Variants in LONP2 observed in about 807,000 individuals in gnomAD.
LONP2 encodes lon peptidase 2, peroxisomal.
Under a neutral mutation model 85.6 loss-of-function variants are expected in LONP2, and 60 were observed. The ratio of observed to expected loss-of-function variants is 0.70; its 90% confidence interval spans 0.57 to 0.87. LONP2 has a LOEUF of 0.87. Among genes scored for constraint, LONP2 ranks in the 40% least tolerant of loss-of-function variants. LONP2 has a pLI of 0.00. For missense variants in LONP2, 860 were observed against 1,063.5 expected (o/e 0.81, Z 2.66); for synonymous variants, 395 against 389.7 (o/e 1.01, Z -0.16).
chr16:48,327,974 A>G (rs1959299003), intron 11 of LONP2, among the ~76,000 whole-genome samples: 1 of 152,218 alleles, frequency 6.6e-6, no homozygotes, highest in African/African-American at 2.4e-5. Context: ...GATGCTGGGT[A>G]GAATGAGATT....
At chr16:48,321,870 T>C (rs1331971250) in intron 11 of LONP2, among the ~76,000 whole-genome samples, 1 of 152,162 alleles carries the variant, frequency 6.6e-6, no homozygotes, top group African/African-American at 2.4e-5. Context: ...TGTGAAAGCC[T>C]AGGACATTAC....
chr16:48,256,566 A>T (rs576255071), intron 2 of LONP2, 44 bp from the exon 3 acceptor site: 2 of 1,596,330 alleles, frequency 1.3e-6, no homozygotes, highest in South Asian at 1.1e-5. Flanking sequence ...AAATTCACAA[A>T]TAATGCCAGA....
intron 14 of LONP2, among the ~76,000 whole-genome samples, chr16:48,350,245 G>A (rs192362877): frequency 8.7e-4 from 132 of 152,208 alleles, no homozygotes; most frequent in African/African-American, 3.1e-3. Flanking sequence ...AAAATTATCC[G>A]GATGTGGTGG....
At chr16:48,292,752 CTT>C (rs986097118) in intron 8 of LONP2, among the ~76,000 whole-genome samples, 2 of 152,218 alleles carry the variant, frequency 1.3e-5, no homozygotes, top group African/African-American at 2.4e-5. Context: ...TCTGTACACT[CTT>C]TGTTTTCTGC....
intron 11 of LONP2, among the ~76,000 whole-genome samples, chr16:48,304,324 TTTAAA>T (rs1972867506): frequency 6.6e-6 from 1 of 152,356 alleles, no homozygotes; most frequent in East Asian, 1.9e-4. Context: ...CTAAATGTAA[TTTAAA>T]TTATTCTTTA....
At chr16:48,262,953 C>A in intron 6 of LONP2, 81 bp downstream of exon 6, 11 of 861,270 alleles carry the variant, frequency 1.3e-5, no homozygotes, top group South Asian at 1.6e-5. Flanking sequence ...AAATTTACTC[C>A]ACTGATTGTC....
chr16:48,280,587 A>C (rs187003468), intron 8 of LONP2, among the ~76,000 whole-genome samples: 2 of 152,350 alleles, frequency 1.3e-5, no homozygotes, highest in Admixed American at 1.3e-4. Flanking sequence ...TTCAAAAAAA[A>C]GGTATGAAAA....
At chr16:48,296,234 A>G (rs747677114) in intron 9 of LONP2, 69 bp downstream of exon 9, 12 of 1,515,490 alleles carry the variant, frequency 7.9e-6, no homozygotes, top group Non-Finnish European at 1.1e-5. Context: ...TAGTTATGCT[A>G]TGGAGTTTTG....
At chr16:48,261,707 G>C in intron 5 of LONP2, 120 bp downstream of exon 5, 1 of 704,262 alleles carries the variant, frequency 1.4e-6, no homozygotes. Flanking sequence ...TCCACCTGCA[G>C]TGTGCTGTCA....
chr16:48,262,458 C>G (rs901585704), intron 5 of LONP2, among the ~76,000 whole-genome samples: 1 of 152,076 alleles, frequency 6.6e-6, no homozygotes, highest in East Asian at 1.9e-4. Context: ...AGGTATCTGC[C>G]TTATTTTGTT....
intron 12 of LONP2, among the ~76,000 whole-genome samples, chr16:48,342,673 T>G (rs1056715857): frequency 6.6e-6 from 1 of 152,238 alleles, no homozygotes; most frequent in Non-Finnish European, 1.5e-5. Context: ...GAATCTGCTT[T>G]TCCCATTTCT....
chr16:48,288,400 G>A (rs1010683668), intron 8 of LONP2, among the ~76,000 whole-genome samples: 19 of 151,934 alleles, frequency 1.3e-4, no homozygotes, highest in African/African-American at 3.6e-4. Flanking sequence ...TGATCCATCC[G>A]CCTCGGCCTC....
At position 48,296,100 on chromosome 16, in the gene LONP2, C is replaced by A; in HGVS notation, c.1469C>A (p.Thr490Asn). The change falls in exon 9 of 15, where the codon ACT becomes AAT. Residue 490 changes from threonine (T) to asparagine (N), a missense_variant. By Grantham distance (65) the Thr-to-Asn change is moderately conservative (BLOSUM62 0). Coordinates refer to ENST00000285737, the MANE Select transcript of LONP2 (RefSeq NM_031490.5). ...CTTTCTCAAGTTCTTTTTATAGCTA[C>A]TGCCAACACCACTGCTACCATTCCA... ...FDLSQVLFIATANTTATIPAA... is the reference protein window; with the variant it reads ...FDLSQVLFIANANTTATIPAA... 1 of 1,614,156 alleles carries A rather than the reference C, an allele frequency of 6.2e-7. No homozygotes were observed. Among genetic ancestry groups the A allele is most frequent in the African/African-American group, 1.3e-5 (1 of 75,048 alleles).
intron 1 of LONP2, among the ~76,000 whole-genome samples, chr16:48,245,005 A>G (rs1971277648): frequency 1.3e-5 from 2 of 151,134 alleles, no homozygotes; most frequent in African/African-American, 4.9e-5. Flanking sequence ...TTCGCTTTTC[A>G]CCTTTCTCCC....
Position 48,256,603 on chromosome 16 carries a change from C to T in LONP2, c.469-7C>T. On this transcript the variant is annotated splice_polypyrimidine_tract_variant and splice_region_variant and intron_variant, in intron 2 of 14. Transcript: ENST00000285737. The stretch of plus-strand genomic sequence containing the variant: ...TTCATTTAAAAGACTTTTTTTCCCC[C>T]TTCTAGTTGGTTGAAATGTTGGATA... 1.2e-6 allele frequency: 2 copies of T among 1,608,984 alleles called. No homozygotes were observed. Among genetic ancestry groups the T allele is most frequent in the Non-Finnish European group, 1.7e-6 (2 of 1,178,616 alleles).
intron 7 of LONP2, among the ~76,000 whole-genome samples, chr16:48,274,176 A>G (rs11076561): frequency 0.18 from 26,671 of 152,068 alleles, 2,627 homozygotes; most frequent in Middle Eastern, 0.28. Context: ...TCCTCCATTA[A>G]TGTAAGTGCA....
chr16:48,269,640 A>G (rs929970799), intron 6 of LONP2, among the ~76,000 whole-genome samples: 1 of 152,208 alleles, frequency 6.6e-6, no homozygotes, highest in African/African-American at 2.4e-5. Context: ...TAGTGTTATC[A>G]GGTTTTCTGG....
At chr16:48,318,099 G>C (rs1973183603) in intron 11 of LONP2, among the ~76,000 whole-genome samples, 1 of 151,918 alleles carries the variant, frequency 6.6e-6, no homozygotes, top group Admixed American at 6.6e-5. Context: ...AAAAAATGCA[G>C]AAAGGATCAA....
intron 12 of LONP2, chr16:48,345,185 A>C (rs1959923408): frequency 1.3e-5 from 2 of 152,262 alleles, no homozygotes; most frequent in Admixed American, 1.3e-4. Context: ...ATGCCTCTGC[A>C]CTCCAGCCTG....
Sources: gnomAD v4.1 joint callset for allele counts (sites outside exome capture counted in the v4.1 genomes callset) on GRCh38, gnomAD v4.1.1 for gene constraint, MANE v1.5 for transcripts, NCBI Gene and HGNC (gene_info 2026-07-23, HGNC 2026-07-21) for gene names.